Variants in MGAT5 observed in about 807,000 individuals in gnomAD.
MGAT5 encodes the protein alpha-1,6-mannosylglycoprotein 6-beta-N-acetylglucosaminyltransferase A.
MGAT5 carries 30 observed loss-of-function variants against 94.3 expected under a neutral mutation model. That is an observed-to-expected ratio of 0.32 (90% confidence interval 0.24 to 0.43). The LOEUF (loss-of-function observed/expected upper bound fraction) is 0.43, where lower values mean the gene tolerates loss of function less well. Among genes scored for constraint, MGAT5 ranks in the 20% least tolerant of loss-of-function variants. The probability of loss-of-function intolerance (pLI) is 1.00; values close to 1 mark genes in which losing one functional copy is unlikely to be tolerated. For synonymous variants in MGAT5, 310 were observed against 322.9 expected, an observed-to-expected ratio of 0.96 and a Z score of 0.43; for missense variants, 691 against 905.5, an observed-to-expected ratio of 0.76 and a Z score of 3.04.
intron 1 of MGAT5, among the ~76,000 whole-genome samples, chr2:134,138,616 A>G (rs760356750): frequency 6.6e-6 from 1 of 152,236 alleles, no homozygotes; most frequent in Non-Finnish European, 1.5e-5. Context: ...CCTTTTGGGC[A>G]TGGTAGCTGG....
chr2:134,126,257 G>A (rs1409906466), intron 1 of MGAT5, among the ~76,000 whole-genome samples: 1 of 152,194 alleles, frequency 6.6e-6, no homozygotes, highest in East Asian at 1.9e-4. Flanking sequence ...TCTAAGCCTG[G>A]TCAATGCACA....
At chr2:134,149,468 C>A (rs542381047) in intron 1 of MGAT5, among the ~76,000 whole-genome samples, 1 of 151,544 alleles carries the variant, frequency 6.6e-6, no homozygotes, top group South Asian at 2.1e-4. Context: ...AATTTAGAGG[C>A]TCTACACCCA....
intron 1 of MGAT5, among the ~76,000 whole-genome samples, chr2:134,182,991 C>T (rs767087313): frequency 3.3e-5 from 5 of 151,932 alleles, no homozygotes; most frequent in East Asian, 1.9e-4. Flanking sequence ...AGGGTTTCAC[C>T]GTGTTAGCCA....
At position 134,176,831 on chromosome 2, in the gene MGAT5, A is replaced by G. The variant is rs1454236826; in HGVS notation, c.-143+56540A>G. ...CCCCTTGGAGTGGCACTGACCTTTGAGAGGTGGGTCTCAGCTCTTTTCTGC... is the reference window on the plus strand; with the variant it reads ...CCCCTTGGAGTGGCACTGACCTTTGGGAGGTGGGTCTCAGCTCTTTTCTGC... On this transcript the variant is annotated intron_variant, in intron 1 of 16. Coordinates refer to the MGAT5 transcript ENST00000409645. 3.3e-5 allele frequency among the ~76,000 whole-genome samples: 5 copies of G among 152,136 alleles called. No individual in the cohort carries two copies. The East Asian group carries it at 9.6e-4, about 29-fold the overall frequency.
At chr2:134,158,231 C>T (rs1687569502) in intron 1 of MGAT5, among the ~76,000 whole-genome samples, 1 of 152,196 alleles carries the variant, frequency 6.6e-6, no homozygotes, top group African/African-American at 2.4e-5. Flanking sequence ...GGACCTGCCC[C>T]TTTTTGCCTG....
At chr2:134,214,409 A>G (rs947048010) in intron 1 of MGAT5, among the ~76,000 whole-genome samples, 2 of 152,216 alleles carry the variant, frequency 1.3e-5, no homozygotes, top group Admixed American at 6.5e-5. Flanking sequence ...TTGGAAGAAG[A>G]ATTGTCTTGG....
At chr2:134,298,723 A>G (rs1685843575) in intron 2 of MGAT5, among the ~76,000 whole-genome samples, 1 of 152,156 alleles carries the variant, frequency 6.6e-6, no homozygotes, top group African/African-American at 2.4e-5. Flanking sequence ...GATCAGAAGT[A>G]TACTTGAGAG....
chr2:134,427,881 G>T (rs1684676048), intron 13 of MGAT5, among the ~76,000 whole-genome samples: 1 of 152,198 alleles, frequency 6.6e-6, no homozygotes. Context: ...TCCTTCAGTT[G>T]CTCATTGTTG....
chr2:134,162,420 G>T (rs1192479409), intron 1 of MGAT5, among the ~76,000 whole-genome samples: 5 of 152,140 alleles, frequency 3.3e-5, no homozygotes, highest in Non-Finnish European at 7.4e-5. Flanking sequence ...TTTTCTAGTT[G>T]TTAGGGTTTT....
intron 1 of MGAT5, among the ~76,000 whole-genome samples, chr2:134,155,285 C>G: frequency 6.6e-6 from 1 of 152,228 alleles, no homozygotes; most frequent in East Asian, 1.9e-4. Context: ...TCTCACTTCC[C>G]TGTCTGCACG....
chr2:134,131,566 A>C, intron 1 of MGAT5, among the ~76,000 whole-genome samples: 1 of 134,182 alleles, frequency 7.5e-6, no homozygotes, highest in Non-Finnish European at 1.6e-5. Context: ...TGCCTGTGGT[A>C]GATTGATTTT....
chr2:134,292,514 G>A (rs539266149), intron 2 of MGAT5, among the ~76,000 whole-genome samples: 16 of 152,298 alleles, frequency 1.1e-4, no homozygotes, highest in Non-Finnish European at 1.9e-4. Flanking sequence ...AGGTTTAAAC[G>A]TGGGGATAAA....
chr2:134,364,614 T>G (rs1277839679), intron 10 of MGAT5, among the ~76,000 whole-genome samples: 1 of 152,226 alleles, frequency 6.6e-6, no homozygotes, highest in Non-Finnish European at 1.5e-5. Context: ...CCCAAGCTTC[T>G]GTGTACCTGT....
intron 1 of MGAT5, among the ~76,000 whole-genome samples, chr2:134,169,831 G>A (rs1390095420): frequency 6.6e-6 from 1 of 152,230 alleles, no homozygotes; most frequent in African/African-American, 2.4e-5. Context: ...CAAATGAACA[G>A]AGAGCCAAGG....
chr2:134,364,406 A>G (rs563509857), intron 10 of MGAT5, among the ~76,000 whole-genome samples: 1 of 152,284 alleles, frequency 6.6e-6, no homozygotes, highest in East Asian at 1.9e-4. Context: ...AGGCTGAGAC[A>G]GGAGAACCAC....
At chr2:134,312,965 C>T (rs1017156360) in intron 2 of MGAT5, among the ~76,000 whole-genome samples, 2 of 151,636 alleles carry the variant, frequency 1.3e-5, no homozygotes, top group South Asian at 2.1e-4. Context: ...TTGAGACCGC[C>T]GTACCAACTT....
chr2:134,184,014 C>A (rs555242955), intron 1 of MGAT5, among the ~76,000 whole-genome samples: 1 of 152,134 alleles, frequency 6.6e-6, no homozygotes, highest in African/African-American at 2.4e-5. Context: ...TCTGTGAAAG[C>A]CTTTCTCTTT....
intron 14 of MGAT5, among the ~76,000 whole-genome samples, chr2:134,434,262 C>T (rs1178394297): frequency 2.6e-5 from 4 of 152,174 alleles, no homozygotes; most frequent in Non-Finnish European, 5.9e-5. Context: ...TTTACAAAGG[C>T]GGTGCTCTCA....
At chr2:134,259,643 C>T (rs1683196111) in intron 1 of MGAT5, among the ~76,000 whole-genome samples, 1 of 152,194 alleles carries the variant, frequency 6.6e-6, no homozygotes, top group South Asian at 2.1e-4. Flanking sequence ...CCTTGACCTC[C>T]AGGTTCTGTG....
Sources: allele counts gnomAD v4.1 joint callset (sites outside exome capture counted in the v4.1 genomes callset), GRCh38; gene constraint gnomAD v4.1.1; transcripts MANE v1.5; gene names NCBI Gene and HGNC (gene_info 2026-07-23, HGNC 2026-07-21).